The following SPAG16 variants were observed in gnomAD, a reference collection of about 807,000 sequenced individuals.
SPAG16 encodes sperm associated antigen 16, also known as sperm-associated antigen 16 protein.
Under a neutral mutation model 80.4 loss-of-function variants are expected in SPAG16, and 86 were observed. The ratio of observed to expected loss-of-function variants is 1.07; its 90% CI spans 0.90 to 1.28. SPAG16 has a LOEUF of 1.28. Ranked by LOEUF, SPAG16 falls within the 50% of genes most tolerant of loss-of-function variation. The pLI, the probability that SPAG16 is intolerant of heterozygous loss-of-function variation, is 0.00. For missense variants in SPAG16, 870 were observed against 765.3 expected, an observed-to-expected ratio of 1.14 and a Z score of -1.61; for synonymous variants, 294 against 265.9, an observed-to-expected ratio of 1.11 and a Z score of -1.03.
At chr2:213,711,525 C>A (rs1265172604) in intron 10 of SPAG16, among the ~76,000 whole-genome samples, 4 of 148,302 alleles carry the variant, frequency 2.7e-5, no homozygotes, top group Non-Finnish European at 6.0e-5. Context: ...AATTTTCTTT[C>A]CTTTTTTTTT....
chr2:214,365,911 A>G (rs1038914537), intron 15 of SPAG16, among the ~76,000 whole-genome samples: 2 of 152,028 alleles, frequency 1.3e-5, no homozygotes, highest in Admixed American at 6.6e-5. Flanking sequence ...ATAAAAAGGA[A>G]TTCTATAAAT....
At chr2:213,348,323 C>A (rs904339451) in intron 6 of SPAG16, among the ~76,000 whole-genome samples, 8 of 152,108 alleles carry the variant, frequency 5.3e-5, no homozygotes, top group Non-Finnish European at 5.9e-5. Flanking sequence ...GGTCTTGACT[C>A]CTTATCCAGT....
At chr2:213,526,921 G>T (rs904908411) in intron 10 of SPAG16, among the ~76,000 whole-genome samples, 1 of 152,162 alleles carries the variant, frequency 6.6e-6, no homozygotes, top group African/African-American at 2.4e-5. Flanking sequence ...ATCTACAGGT[G>T]TTCTCTCTAG....
At chr2:213,461,205 CA>C (rs2072337640) in intron 9 of SPAG16, among the ~76,000 whole-genome samples, 1 of 152,114 alleles carries the variant, frequency 6.6e-6, no homozygotes, top group African/African-American at 2.4e-5. Flanking sequence ...TGCAATGACA[CA>C]ATTGCAATGT....
At chr2:213,743,031 G>A (rs2067648040) in intron 10 of SPAG16, among the ~76,000 whole-genome samples, 1 of 151,978 alleles carries the variant, frequency 6.6e-6, no homozygotes, top group Non-Finnish European at 1.5e-5. Flanking sequence ...AGCCTCCCGA[G>A]TAGCTGGGAC....
chr2:213,484,644 A>G (rs2073897952), intron 9 of SPAG16, among the ~76,000 whole-genome samples: 1 of 152,202 alleles, frequency 6.6e-6, no homozygotes, highest in Non-Finnish European at 1.5e-5. Flanking sequence ...TATATATCTT[A>G]AAATATCTTT....
intron 14 of SPAG16, among the ~76,000 whole-genome samples, chr2:214,143,609 A>G (rs886434234): frequency 2.0e-5 from 3 of 152,120 alleles, no homozygotes; most frequent in African/African-American, 4.8e-5. Context: ...TTAAATTTCT[A>G]TATTTGTGAA....
At chr2:214,289,483 AGAG>A (rs2125927578) in intron 15 of SPAG16, among the ~76,000 whole-genome samples, 1 of 152,326 alleles carries the variant, frequency 6.6e-6, no homozygotes, top group East Asian at 1.9e-4. Flanking sequence ...CGTTTATTGA[AGAG>A]GATGTCCTTT....
chr2:214,062,414 G>C (rs1291367172), intron 13 of SPAG16, among the ~76,000 whole-genome samples: 1 of 84,706 alleles, frequency 1.2e-5, no homozygotes, highest in Admixed American at 1.9e-4. Context: ...GCACGACTCT[G>C]ACTCAAAAAA....
At chr2:213,620,442 G>T (rs575844758) in intron 10 of SPAG16, among the ~76,000 whole-genome samples, 57 of 151,704 alleles carry the variant, frequency 3.8e-4, no homozygotes, top group African/African-American at 1.3e-3. Context: ...ACAGGCACCC[G>T]CCACCACGCC....
chr2:214,026,201 C>A (rs2048119455), intron 13 of SPAG16, among the ~76,000 whole-genome samples: 1 of 151,334 alleles, frequency 6.6e-6, no homozygotes, highest in Non-Finnish European at 1.5e-5. Flanking sequence ...TCTACTTTTG[C>A]AATAACATAT....
intron 10 of SPAG16, among the ~76,000 whole-genome samples, chr2:213,585,784 C>T (rs929007948): frequency 2.0e-5 from 3 of 152,128 alleles, no homozygotes; most frequent in African/African-American, 7.2e-5. Context: ...TTTGTAAACA[C>T]TTATATTTGC....
chr2:214,259,075 T>C (rs1690929366), intron 15 of SPAG16, among the ~76,000 whole-genome samples: 2 of 151,826 alleles, frequency 1.3e-5, no homozygotes, highest in South Asian at 2.1e-4. Flanking sequence ...ATGGGTCACA[T>C]TTTTTTTCTT....
chr2:213,763,248 C>A (rs1476399170), intron 10 of SPAG16, among the ~76,000 whole-genome samples: 2 of 152,146 alleles, frequency 1.3e-5, no homozygotes, highest in African/African-American at 4.8e-5. Context: ...AAAAACAGAA[C>A]TATCATCTGA....
At chr2:213,759,399 T>A (rs2068522808) in intron 10 of SPAG16, among the ~76,000 whole-genome samples, 1 of 152,040 alleles carries the variant, frequency 6.6e-6, no homozygotes, top group South Asian at 2.1e-4. Flanking sequence ...GTTTTGTACA[T>A]AATTTAAGAG....
chr2:213,772,586 C>T (rs1327391056), intron 10 of SPAG16, among the ~76,000 whole-genome samples: 3 of 152,078 alleles, frequency 2.0e-5, no homozygotes, highest in Non-Finnish European at 4.4e-5. Flanking sequence ...GGGTTTATTT[C>T]TATTCCATTG....
chr2:214,010,599 A>G (rs1510550), intron 12 of SPAG16, among the ~76,000 whole-genome samples: 2,000 of 146,810 alleles, frequency 0.014, 390 homozygotes, highest in African/African-American at 0.051. Context: ...CAGACTTTGC[A>G]GTACTCTAAC....
intron 10 of SPAG16, among the ~76,000 whole-genome samples, chr2:213,581,265 T>C (rs552159867): frequency 1.3e-3 from 197 of 152,234 alleles, no homozygotes; most frequent in Non-Finnish European, 2.6e-3. Context: ...TTGCACCACC[T>C]GGAGTACAGT....
At chr2:213,437,061 A>G (rs1376711080) in intron 9 of SPAG16, among the ~76,000 whole-genome samples, 2 of 151,904 alleles carry the variant, frequency 1.3e-5, no homozygotes, top group Middle Eastern at 3.4e-3. Flanking sequence ...ACAGGCACCC[A>G]CCACCGCGCC....
Sources: allele counts gnomAD v4.1 joint callset (sites outside exome capture counted in the v4.1 genomes callset), GRCh38; gene constraint gnomAD v4.1.1; transcripts MANE v1.5; gene names NCBI Gene and HGNC (gene_info 2026-07-23, HGNC 2026-07-21).